The following NAV3 variants were observed in gnomAD, a reference collection of about 807,000 sequenced individuals.
The protein encoded by NAV3 is pore membrane and/or filament interacting like protein 1.
NAV3 carries 87 observed loss-of-function variants against 244.7 expected under a neutral mutation model. The observed-to-expected ratio is 0.36, with a 90% CI of 0.30 to 0.42. The LOEUF is 0.42. NAV3 is among the 20% of genes least tolerant of loss of function. The probability of loss-of-function intolerance (pLI) is 1.00; values close to 1 mark genes in which losing one functional copy is unlikely to be tolerated. For synonymous variants in NAV3, 1,126 were observed against 1,042.2 expected (o/e 1.08, Z -1.55); for missense variants, 2,663 against 2,893.3 (o/e 0.92, Z 1.83).
chr12:77,637,887 T>C (rs1404704282), intron 2 of NAV3, among the ~76,000 whole-genome samples: 1 of 152,244 alleles, frequency 6.6e-6, no homozygotes, highest in African/African-American at 2.4e-5. Context: ...ATGGCAGTCA[T>C]GGCTTTTAAA....
At chr12:77,867,646 T>C (rs998252389) in intron 1 of NAV3, among the ~76,000 whole-genome samples, 1 of 152,112 alleles carries the variant, frequency 6.6e-6, no homozygotes. Flanking sequence ...GGTCTCGATC[T>C]CCTGACCTTG....
At chr12:77,979,603 C>T (rs1203503134) in intron 5 of NAV3, among the ~76,000 whole-genome samples, 1 of 150,850 alleles carries the variant, frequency 6.6e-6, no homozygotes, top group African/African-American at 2.4e-5. Context: ...TTTCAACATA[C>T]ACCTCTTTAT....
chr12:78,145,409 G>A (rs917404905), intron 20 of NAV3, among the ~76,000 whole-genome samples: 1 of 152,148 alleles, frequency 6.6e-6, no homozygotes, highest in African/African-American at 2.4e-5. Context: ...AAACAGTTCA[G>A]GTAGTTTTGT....
At chr12:78,190,265 T>C (rs1958914846) in intron 34 of NAV3, 46 bp downstream of exon 34, 2 of 1,468,830 alleles carry the variant, frequency 1.4e-6, no homozygotes, top group East Asian at 4.8e-5. Context: ...TATCCATAAG[T>C]GTTTTAAGCA....
chr12:77,824,518 A>G (rs1313650626), intron 2 of NAV3, among the ~76,000 whole-genome samples: 2 of 152,142 alleles, frequency 1.3e-5, no homozygotes, highest in African/African-American at 2.4e-5. Flanking sequence ...AGTTTAGAAG[A>G]AACTAAAAAG....
chr12:78,186,682 C>CT lies in NAV3; in HGVS notation c.5790+990dup, dbSNP rs528230432. Among the ~76,000 whole-genome samples the CT allele has an allele frequency of 2.3e-4, 35 of 151,866 alleles. 1 individual carries two copies. The South Asian group carries it at 6.8e-3, about 30-fold the overall frequency. On this transcript the variant is annotated intron_variant, in intron 31 of 39. Transcript: ENST00000397909. ...TTCTAACAGACAATGCCTTTGAACA[C>CT]TTTTTTCTAAAAAAGCTTCCATGAA...
intron 2 of NAV3, among the ~76,000 whole-genome samples, chr12:77,583,936 A>C (rs1869484910): frequency 6.6e-6 from 1 of 152,122 alleles, no homozygotes; most frequent in Non-Finnish European, 1.5e-5. Flanking sequence ...AGTACTACCT[A>C]TCTTCTTACC....
intron 2 of NAV3, among the ~76,000 whole-genome samples, chr12:77,804,827 T>G (rs558770784): frequency 1.3e-5 from 2 of 152,302 alleles, no homozygotes; most frequent in East Asian, 3.9e-4. Flanking sequence ...TTCCATTTGT[T>G]TGTGTTCTCT....
intron 2 of NAV3, among the ~76,000 whole-genome samples, chr12:77,741,627 A>G (rs1369302166): frequency 1.3e-5 from 2 of 152,182 alleles, no homozygotes; most frequent in Non-Finnish European, 2.9e-5. Context: ...TCTGATAAAT[A>G]GAAGATTTGC....
chr12:77,641,690 A>G (rs914310389), intron 2 of NAV3, among the ~76,000 whole-genome samples: 14 of 152,092 alleles, frequency 9.2e-5, no homozygotes, highest in Non-Finnish European at 1.9e-4. Flanking sequence ...TGAATACATA[A>G]CAAGAGGTAT....
At chr12:77,618,552 C>G (rs1189552704) in intron 2 of NAV3, among the ~76,000 whole-genome samples, 2 of 152,036 alleles carry the variant, frequency 1.3e-5, no homozygotes, top group Non-Finnish European at 2.9e-5. Flanking sequence ...TGGAAAGTAT[C>G]AAATTAAAAT....
chr12:78,004,240 A>C, intron 7 of NAV3, among the ~76,000 whole-genome samples: 1 of 152,302 alleles, frequency 6.6e-6, no homozygotes, highest in South Asian at 2.1e-4. Context: ...ATGAGATACC[A>C]TGTATGAAGT....
intron 7 of NAV3, among the ~76,000 whole-genome samples, chr12:78,000,640 A>T (rs1873103866): frequency 7.2e-6 from 1 of 138,448 alleles, no homozygotes; most frequent in African/African-American, 2.7e-5. Context: ...AGTAGCTGGG[A>T]CTACAGGCGC....
chr12:77,987,243 T>C (rs924257292), intron 5 of NAV3, among the ~76,000 whole-genome samples: 2 of 152,198 alleles, frequency 1.3e-5, no homozygotes, highest in African/African-American at 4.8e-5. Flanking sequence ...TCAATTGATA[T>C]TTGATACAGA....
chr12:77,944,046 T>A (rs544249794), intron 3 of NAV3, among the ~76,000 whole-genome samples: 1 of 152,224 alleles, frequency 6.6e-6, no homozygotes, highest in African/African-American at 2.4e-5. Context: ...CACTTGAGAA[T>A]TGGAGGAGCA....
At chr12:78,064,430 C>CTGTCTGTCTGT (rs1566082262) in intron 12 of NAV3, among the ~76,000 whole-genome samples, 18 of 93,354 alleles carry the variant, frequency 1.9e-4, no homozygotes, top group African/African-American at 7.7e-4. Context: ...TGTCTGTCTG[C>CTGTCTGTCTGT]CTGCCTGCCT....
intron 7 of NAV3, among the ~76,000 whole-genome samples, chr12:78,003,270 G>T (rs562106694): frequency 6.6e-6 from 1 of 151,996 alleles, no homozygotes; most frequent in African/African-American, 2.4e-5. Flanking sequence ...TAAAGCATTT[G>T]GTATGTTGTT....
chr12:77,986,635 A>G (rs1300213689), intron 5 of NAV3, among the ~76,000 whole-genome samples: 1 of 152,156 alleles, frequency 6.6e-6, no homozygotes, highest in Non-Finnish European at 1.5e-5. Flanking sequence ...ATGAGGTCAT[A>G]TATACATATA....
chr12:77,813,529 C>A (rs1872393784), intron 2 of NAV3, among the ~76,000 whole-genome samples: 1 of 152,148 alleles, frequency 6.6e-6, no homozygotes, highest in Non-Finnish European at 1.5e-5. Context: ...ACTTATCCTG[C>A]AGTTCTCTGT....
Sources: allele counts gnomAD v4.1 joint callset (sites outside exome capture counted in the v4.1 genomes callset), GRCh38; gene constraint gnomAD v4.1.1; transcripts MANE v1.5; gene names NCBI Gene and HGNC (gene_info 2026-07-23, HGNC 2026-07-21).